RIMS3: variants seen among roughly 807,000 people sequenced by gnomAD.
The protein encoded by RIMS3 is regulating synaptic membrane exocytosis 3.
In RIMS3, 15 loss-of-function variants were observed where a neutral mutation model predicts 29.2. The observed-to-expected ratio is 0.51, with a 90% confidence interval of 0.34 to 0.79. The LOEUF (loss-of-function observed/expected upper bound fraction) is 0.79, where lower values mean the gene tolerates loss of function less well. Ranked by LOEUF, RIMS3 falls within the 30% of genes least tolerant of loss-of-function variation. The pLI is 0.01. For missense variants in RIMS3, 342 were observed against 421.4 expected, an observed-to-expected ratio of 0.81 and a Z score of 1.65; for synonymous variants, 161 against 170.1, an observed-to-expected ratio of 0.95 and a Z score of 0.41.
chr1:40,629,403 G>A (rs368140421), intron 5 of RIMS3, 31 bp from the exon 6 acceptor site: 37 of 1,585,598 alleles, frequency 2.3e-5, no homozygotes, highest in African/African-American at 5.4e-5. Flanking sequence ...AGTCCAGGCA[G>A]GGCCAGACCA....
At chr1:40,672,078 C>A in the RIMS3 span, among the ~76,000 whole-genome samples, 15 of 151,400 alleles carry the variant, frequency 9.9e-5, no homozygotes, top group Non-Finnish European at 2.1e-4. Context: ...TTATAAATTA[C>A]CCAGTCTCAG....
At chr1:40,656,783 CAAAA>C (rs57983058) in intron 1 of RIMS3, among the ~76,000 whole-genome samples, 4 of 73,288 alleles carry the variant, frequency 5.5e-5, no homozygotes, top group Admixed American at 1.6e-4. Context: ...AACTCCGTCT[CAAAA>C]AAAAAAAAAA....
chr1:40,648,647 G>A (rs570325698), intron 1 of RIMS3, among the ~76,000 whole-genome samples: 12 of 152,288 alleles, frequency 7.9e-5, no homozygotes, highest in East Asian at 3.9e-4. Flanking sequence ...TTTATAAATC[G>A]TAAAGGATTG....
At position 40,641,963 on chromosome 1, in the gene RIMS3, A is replaced by T; in HGVS notation, c.-31-7T>A. 3 of 1,560,644 alleles carry T rather than the reference A, an allele frequency of 1.9e-6. No individual in the cohort carries two copies. The highest frequency in any genetic ancestry group is 2.6e-6 in the Non-Finnish European group (3 of 1,135,206). On this transcript the variant is annotated splice_region_variant and splice_polypyrimidine_tract_variant and intron_variant, in intron 2 of 7. Coordinates refer to ENST00000372684, the MANE Select transcript of RIMS3 (RefSeq NM_014747.3). ...GGCAGGGCCTCAGGCAGCTCTGAAG[A>T]TGGGCAGGAAACAAAAGGATCCCAC...
chr1:40,672,628 T>C, the RIMS3 span, among the ~76,000 whole-genome samples: 1 of 152,220 alleles, frequency 6.6e-6, no homozygotes, highest in East Asian at 1.9e-4. Context: ...CCTTGGAGGC[T>C]ATTTGTTATT....
At position 40,654,822 on chromosome 1, in the gene RIMS3, G is replaced by A. The variant is rs1241179245; in HGVS notation, c.-206-6980C>T. Among the ~76,000 whole-genome samples, 2 of 151,736 alleles carry A rather than the reference G, an allele frequency of 1.3e-5. No individual in the cohort carries two copies. The highest frequency in any genetic ancestry group is 4.8e-5 in the African/African-American group (2 of 41,286). ...TGAGTTACCTAGCTACATTTGCCAG[G>A]GACATACACACACACTTAAACTCTC... On this transcript the variant is annotated intron_variant, in intron 1 of 7. Transcript: ENST00000372684. This position sits in a 1 kb window ranked among gnomAD's most constrained non-coding sequence, Gnocchi z 5.3.
At chr1:40,686,390 C>A in the RIMS3 span, among the ~76,000 whole-genome samples, 2 of 152,114 alleles carry the variant, frequency 1.3e-5, no homozygotes, top group South Asian at 2.1e-4. Flanking sequence ...CAGTGGCTCA[C>A]GCCTGTAATC....
the RIMS3 span, chr1:40,691,563 A>T: frequency 3.2e-6 from 1 of 310,670 alleles, no homozygotes; most frequent in Non-Finnish European, 6.5e-6. Flanking sequence ...GCGGGGTTAA[A>T]ACTCTCAGAT....
Position 40,622,216 on chromosome 1 carries a change from T to G in RIMS3, c.*4301A>C, listed in dbSNP as rs1174920919. On this transcript the variant is annotated 3_prime_UTR_variant, in exon 8 of 8. Transcript: ENST00000372684. Reference sequence around the variant, plus strand: ...GGTGCCCAAGGAGGCCAAGTTGCTCTCTTTGGCATCACTGACATTGCTCTG... The same window carrying G: ...GGTGCCCAAGGAGGCCAAGTTGCTCGCTTTGGCATCACTGACATTGCTCTG... 1 of 152,700 alleles carries G rather than the reference T, an allele frequency of 6.5e-6. No homozygotes were observed. Among genetic ancestry groups the G allele is most frequent in the African/African-American group, 2.4e-5 (1 of 41,456 alleles). The allele number at this position is 152,700 out of a possible 1,614,324, so 9.5% of individuals were successfully genotyped here.
chr1:40,640,456 C>T (rs1187593807), intron 3 of RIMS3, among the ~76,000 whole-genome samples: 1 of 152,174 alleles, frequency 6.6e-6, no homozygotes, highest in African/African-American at 2.4e-5. Context: ...ATTTTAAGGC[C>T]TGGAAAAGTC....
intron 3 of RIMS3, among the ~76,000 whole-genome samples, chr1:40,637,187 C>T (rs1646525735): frequency 6.6e-6 from 1 of 152,194 alleles, no homozygotes; most frequent in South Asian, 2.1e-4. Context: ...GAGCTGGTTA[C>T]CTTGGCAATT....
At chr1:40,689,516 G>A in the RIMS3 span, among the ~76,000 whole-genome samples, 99 of 152,058 alleles carry the variant, frequency 6.5e-4, no homozygotes, top group African/African-American at 2.2e-3. Context: ...TCCTGACCTC[G>A]TCATCCACCC....
chr1:40,671,761 T>A, the RIMS3 span, among the ~76,000 whole-genome samples: 4 of 148,680 alleles, frequency 2.7e-5, 1 homozygote, highest in African/African-American at 9.9e-5. Flanking sequence ...TCTTTTCTTT[T>A]TTTTTTTTTT....
the RIMS3 span, among the ~76,000 whole-genome samples, chr1:40,689,480 C>T: frequency 1.3e-5 from 2 of 152,144 alleles, no homozygotes; most frequent in Non-Finnish European, 2.9e-5. Flanking sequence ...CAGGGCTTCA[C>T]CATCTTGGCC....
rs928798104 is a variant in RIMS3, at chr1:40,654,655, CCACA to C, written c.-206-6817_-206-6814del. ...TCACACAGACCCACAACACACCCTG[CCACA>C]CACACACAAACTCGCACGCTGCAGA... On this transcript the variant is annotated intron_variant, in intron 1 of 7. Transcript: ENST00000372684. The surrounding 1 kb of genome is among the most constrained non-coding windows in gnomAD (Gnocchi z 5.3). Among the ~76,000 whole-genome samples, 17 of 151,776 alleles carry C rather than the reference CCACA, an allele frequency of 1.1e-4. 1 individual carries two copies. Among genetic ancestry groups the C allele is most frequent in the Admixed American group, 3.3e-4 (5 of 15,216 alleles).
the RIMS3 span, chr1:40,681,570 C>T: frequency 1.3e-5 from 2 of 152,108 alleles, no homozygotes; most frequent in African/African-American, 4.8e-5. Flanking sequence ...AAATTATCAC[C>T]TGTAAAATTA....
In RIMS3 at chr1:40,625,550, C is replaced by T. The variant is rs955567515; in HGVS notation, c.*967G>A. On this transcript the variant is annotated 3_prime_UTR_variant, in exon 8 of 8. Transcript: ENST00000372684. ...CAGCAAACAGCCCTACCCACAGAAC[C>T]TCCTTACCGAGTCATGCCCACCAGG... The T allele has an allele frequency of 1.3e-5, 2 of 152,320 alleles. No individual in the cohort carries two copies. The highest frequency in any genetic ancestry group is 6.5e-5 in the Admixed American group (1 of 15,280). The allele number at this position is 152,320 out of a possible 1,614,324, so 9.4% of individuals were successfully genotyped here. A position where few individuals can be genotyped will look rare whatever the true frequency, so the allele number is the denominator to read the frequency against.
chr1:40,668,581 A>C (rs1355881925), upstream of RIMS3, among the ~76,000 whole-genome samples: 1 of 151,574 alleles, frequency 6.6e-6, no homozygotes, highest in East Asian at 1.9e-4. Flanking sequence ...CCCTTATTCG[A>C]CACTGAAATA....
chr1:40,634,796 C>T (rs1486171438), intron 4 of RIMS3, among the ~76,000 whole-genome samples: 1 of 151,996 alleles, frequency 6.6e-6, no homozygotes, highest in African/African-American at 2.4e-5. Context: ...CCAAAATTAG[C>T]CAGGCGTGGT....
Sources: allele counts gnomAD v4.1 joint callset (sites outside exome capture counted in the v4.1 genomes callset), GRCh38; gene constraint gnomAD v4.1.1; non-coding constraint Gnocchi (gnomAD v3.1); transcripts MANE v1.5; gene names NCBI Gene and HGNC (gene_info 2026-07-23, HGNC 2026-07-21).